The following ZBTB20 variants were observed in gnomAD, a reference collection of about 807,000 sequenced individuals.
The protein encoded by ZBTB20 is zinc finger and BTB domain-containing protein 20.
Under a neutral mutation model 56.9 loss-of-function variants are expected in ZBTB20, and 9 were observed. The observed-to-expected ratio is 0.16, with a 90% CI of 0.10 to 0.28. The LOEUF (loss-of-function observed/expected upper bound fraction) is 0.28. Ranked by LOEUF, ZBTB20 falls within the 10% of genes least tolerant of loss-of-function variation. The pLI is 1.00. For missense variants in ZBTB20, 655 were observed against 1,003.0 expected (o/e 0.65, Z 4.69); for synonymous variants, 417 against 420.7 (o/e 0.99, Z 0.11).
intron 4 of ZBTB20, among the ~76,000 whole-genome samples, chr3:114,880,783 T>C (rs969222933): frequency 6.6e-6 from 1 of 152,102 alleles, no homozygotes; most frequent in African/African-American, 2.4e-5. Flanking sequence ...CAGAAACAAA[T>C]ATTCATAATA....
intron 2 of ZBTB20, among the ~76,000 whole-genome samples, chr3:115,007,731 T>C (rs1466346486): frequency 6.6e-6 from 1 of 151,886 alleles, no homozygotes; most frequent in African/African-American, 2.4e-5. Context: ...TCATCCTGTT[T>C]ACAGTCCACT....
At chr3:114,777,628 C>T (rs1262451399) in intron 5 of ZBTB20, among the ~76,000 whole-genome samples, 1 of 152,260 alleles carries the variant, frequency 6.6e-6, no homozygotes, top group African/African-American at 2.4e-5. Flanking sequence ...TAAATAGGAA[C>T]ACTTTTACAC....
chr3:114,592,042 C>T (rs2055816809), intron 6 of ZBTB20, among the ~76,000 whole-genome samples: 2 of 152,038 alleles, frequency 1.3e-5, no homozygotes, highest in Non-Finnish European at 2.9e-5. Context: ...TTAGAATACA[C>T]TGAATTTGCC....
chr3:114,802,135 T>C (rs2071765658), intron 4 of ZBTB20, among the ~76,000 whole-genome samples: 1 of 151,920 alleles, frequency 6.6e-6, no homozygotes, highest in Non-Finnish European at 1.5e-5. Context: ...ATTTAGTTTT[T>C]AAAATATAAA....
chr3:114,763,169 G>T (rs1248915551), intron 5 of ZBTB20, among the ~76,000 whole-genome samples: 1 of 152,118 alleles, frequency 6.6e-6, no homozygotes, highest in African/African-American at 2.4e-5. Flanking sequence ...GTTAAGTGAT[G>T]ATCAATATAA....
intron 6 of ZBTB20, among the ~76,000 whole-genome samples, chr3:114,637,371 T>C (rs1450081133): frequency 6.6e-6 from 1 of 152,126 alleles, no homozygotes; most frequent in Non-Finnish European, 1.5e-5. Flanking sequence ...AAGATTATTG[T>C]TTGTGTATTA....
intron 4 of ZBTB20, among the ~76,000 whole-genome samples, chr3:114,865,681 T>C (rs796192995): frequency 1.3e-5 from 2 of 152,220 alleles, no homozygotes; most frequent in Non-Finnish European, 2.9e-5. Context: ...TATGTTAGCA[T>C]ATTTTTAGTG....
intron 3 of ZBTB20, among the ~76,000 whole-genome samples, chr3:114,935,893 C>A (rs186468702): frequency 6.6e-6 from 1 of 152,276 alleles, no homozygotes; most frequent in African/African-American, 2.4e-5. Context: ...CTTCTACACT[C>A]TAAATGTGCA....
chr3:114,968,059 G>A (rs868751927), intron 3 of ZBTB20, among the ~76,000 whole-genome samples: 14 of 151,922 alleles, frequency 9.2e-5, no homozygotes, highest in African/African-American at 3.1e-4. Flanking sequence ...TTGTATATAT[G>A]TATACCAATG....
At chr3:114,444,450 A>C (rs2091138832) in intron 7 of ZBTB20, among the ~76,000 whole-genome samples, 1 of 152,158 alleles carries the variant, frequency 6.6e-6, no homozygotes, top group Non-Finnish European at 1.5e-5. Context: ...ACTGGCATAG[A>C]AATAGAAACC....
intron 6 of ZBTB20, among the ~76,000 whole-genome samples, chr3:114,578,028 C>A (rs1295123761): frequency 6.6e-6 from 1 of 152,036 alleles, no homozygotes; most frequent in Non-Finnish European, 1.5e-5. Context: ...CTGACAATGA[C>A]CTCAGCATGA....
rs147641873 is a variant in ZBTB20, at chr3:114,848,808, G to A, written c.-416-47634C>T. Among the ~76,000 whole-genome samples the A allele has an allele frequency of 7.2e-5, 11 of 152,270 alleles. No individual in the cohort carries two copies. The East Asian group carries it at 1.7e-3, about 24-fold the overall frequency. On this transcript the variant is annotated intron_variant, in intron 4 of 11. Coordinates refer to ENST00000675478, the MANE Select transcript of ZBTB20 (RefSeq NM_001348800.3). ...GGCGGCTACCTCCTGCTTCTCCTTC[G>A]CCAGGGCTGCCTCTGCAGTAAGTCT... is the stretch of plus-strand genomic sequence containing the variant.
intron 1 of ZBTB20, chr3:115,102,420 T>G (rs2083611082): frequency 6.6e-6 from 1 of 152,160 alleles, no homozygotes; most frequent in Non-Finnish European, 1.5e-5. Context: ...TAAAATGTAT[T>G]AAGAAAAATG....
chr3:114,724,519 G>A (rs1271279739), intron 5 of ZBTB20, among the ~76,000 whole-genome samples: 1 of 152,166 alleles, frequency 6.6e-6, no homozygotes, highest in Non-Finnish European at 1.5e-5. Flanking sequence ...AAGAATACAC[G>A]TTCTAGGGTC....
intron 10 of ZBTB20, among the ~76,000 whole-genome samples, chr3:114,353,668 C>A (rs1335691720): frequency 1.3e-5 from 2 of 152,204 alleles, no homozygotes; most frequent in African/African-American, 4.8e-5. Flanking sequence ...GGAGCTCAAT[C>A]AGCAGCAGAC....
At chr3:115,004,088 A>C (rs1576540384) in intron 2 of ZBTB20, among the ~76,000 whole-genome samples, 1 of 151,726 alleles carries the variant, frequency 6.6e-6, no homozygotes, top group African/African-American at 2.4e-5. Context: ...CTATTCTAGC[A>C]CTTGAGATCT....
chr3:114,347,299 T>C (rs1175439870), intron 11 of ZBTB20, among the ~76,000 whole-genome samples: 4 of 152,052 alleles, frequency 2.6e-5, no homozygotes, highest in Non-Finnish European at 5.9e-5. Flanking sequence ...ACTCTGCAGG[T>C]CTATTGGTTT....
intron 7 of ZBTB20, among the ~76,000 whole-genome samples, chr3:114,451,680 A>C (rs951673180): frequency 9.9e-5 from 15 of 152,158 alleles, no homozygotes; most frequent in African/African-American, 3.6e-4. Context: ...ACAGAGTCCT[A>C]ACAGGCCATT....
At chr3:114,885,168 CTG>C (rs1202932617) in intron 4 of ZBTB20, among the ~76,000 whole-genome samples, 5 of 152,170 alleles carry the variant, frequency 3.3e-5, no homozygotes, top group Non-Finnish European at 5.9e-5. Flanking sequence ...GACCTCCCAA[CTG>C]TACATTGTTA....
Sources: allele counts gnomAD v4.1 joint callset (sites outside exome capture counted in the v4.1 genomes callset), GRCh38; gene constraint gnomAD v4.1.1; transcripts MANE v1.5; gene names NCBI Gene and HGNC (gene_info 2026-07-23, HGNC 2026-07-21).